FGF13: variants seen among roughly 807,000 people sequenced by gnomAD.
FGF13 encodes the protein fibroblast growth factor 13, also known as fibroblast growth factor homologous factor 2.
FGF13 carries 2 observed loss-of-function variants against 19.5 expected under a neutral mutation model. That is an observed-to-expected ratio of 0.10 (90% confidence interval 0.04 to 0.32). The LOEUF (loss-of-function observed/expected upper bound fraction) is 0.32, where lower values mean the gene tolerates loss of function less well. FGF13 is among the 10% of genes least tolerant of loss of function. FGF13 has a pLI of 1.00. For missense variants in FGF13, 113 were observed against 192.7 expected, an observed-to-expected ratio of 0.59 and a Z score of 2.45; for synonymous variants, 72 against 76.9, an observed-to-expected ratio of 0.94 and a Z score of 0.33.
chrX:139,118,776 C>A (rs1373217106), intron 1 of FGF13, among the ~76,000 whole-genome samples: 1 of 111,019 alleles, frequency 9.0e-6, no homozygotes, highest in Non-Finnish European at 1.9e-5. Context: ...TCCCTCTCAG[C>A]TTTGGGAGGC....
chrX:138,958,880 T>A (rs1256157190), intron 1 of FGF13, among the ~76,000 whole-genome samples: 1 of 111,773 alleles, frequency 8.9e-6, no homozygotes, highest in Non-Finnish European at 1.9e-5. Flanking sequence ...CCCTTTATCA[T>A]TTTTTATTGC....
chrX:138,852,788 A>G (rs964629977), downstream of FGF13, among the ~76,000 whole-genome samples: 3 of 111,691 alleles, frequency 2.7e-5, no homozygotes, highest in Non-Finnish European at 5.6e-5. Context: ...ATGGGAGAAA[A>G]TGTTTGCAAT....
intron 1 of FGF13, among the ~76,000 whole-genome samples, chrX:138,973,925 G>A (rs892771437): frequency 1.8e-5 from 2 of 111,517 alleles, no homozygotes; most frequent in African/African-American, 6.5e-5. Flanking sequence ...ATATAGTTGG[G>A]AGGCAATTAG....
intron 3 of FGF13, among the ~76,000 whole-genome samples, chrX:138,846,558 A>G (rs1372849587): frequency 1.8e-5 from 2 of 112,319 alleles, no homozygotes; most frequent in African/African-American, 6.5e-5. Flanking sequence ...TGGCTCCAGC[A>G]TTGCCTTCTG....
chrX:138,719,979 G>A (rs2124271779), intron 1 of FGF13, among the ~76,000 whole-genome samples: 1 of 112,772 alleles, frequency 8.9e-6, no homozygotes, highest in Admixed American at 9.3e-5. Flanking sequence ...TGGGCCATTT[G>A]TTCATTTGTT....
rs762752950 is a variant in FGF13, at chrX:138,790,005, A to C, written c.217+67507T>G. On this transcript the variant is annotated intron_variant, in intron 3 of 6. Coordinates refer to the FGF13 transcript ENST00000436198. ...GGTTGCAGTGAGCCGAGATCACGCC[A>C]CTTGACTCCAACCTGGGTGACAGAG... Among the ~76,000 whole-genome samples the C allele has an allele frequency of 8.7e-5, 7 of 80,791 alleles. No individual in the cohort carries two copies. The East Asian group carries it at 2.4e-3, about 28-fold the overall frequency. 70.2% of individuals were successfully genotyped at this position (80,791 alleles called of 115,157 possible).
At chrX:138,944,500 CA>C (rs370819719) in intron 1 of FGF13, among the ~76,000 whole-genome samples, 2 of 34,085 alleles carry the variant, frequency 5.9e-5, no homozygotes. Context: ...TGGCTCTGAG[CA>C]AAAAAAAAGA....
intron 3 of FGF13, among the ~76,000 whole-genome samples, chrX:138,687,535 T>A (rs377177208): frequency 8.9e-5 from 10 of 111,779 alleles, no homozygotes; most frequent in African/African-American, 2.9e-4. Context: ...GGAAGGAGAA[T>A]CCTTGTACAC....
chrX:138,969,152 C>T (rs144422814), intron 1 of FGF13, among the ~76,000 whole-genome samples: 182 of 111,519 alleles, frequency 1.6e-3, no homozygotes, highest in East Asian at 8.8e-3. Context: ...CTGAAAAACT[C>T]GAAAAACAGA....
At chrX:138,662,844 G>A (rs1216499359) in intron 3 of FGF13, among the ~76,000 whole-genome samples, 4 of 111,820 alleles carry the variant, frequency 3.6e-5, no homozygotes, top group Non-Finnish European at 7.5e-5. Context: ...CTACTGCAGA[G>A]CTACTGGGTA....
intron 3 of FGF13, among the ~76,000 whole-genome samples, chrX:138,759,055 G>A (rs1171992974): frequency 3.6e-5 from 4 of 112,133 alleles, no homozygotes; most frequent in African/African-American, 1.3e-4. Flanking sequence ...AGCTGAGAGC[G>A]TAAAAATATT....
chrX:138,990,933 T>C (rs1469646736), intron 1 of FGF13, among the ~76,000 whole-genome samples: 2 of 111,971 alleles, frequency 1.8e-5, no homozygotes, highest in African/African-American at 6.5e-5. Flanking sequence ...AAGCAAGGGC[T>C]CCAGGTTTAG....
At chrX:138,710,779 T>A (rs780042278) in intron 1 of FGF13, 38 bp downstream of exon 1, 1 of 1,204,449 alleles carries the variant, frequency 8.3e-7, no homozygotes, top group South Asian at 1.8e-5. Context: ...ACCTCACTCG[T>A]AAAGTATGGG....
chrX:138,730,013 G>A (rs1210746321), intron 1 of FGF13, among the ~76,000 whole-genome samples: 1 of 111,501 alleles, frequency 9.0e-6, no homozygotes, highest in Non-Finnish European at 1.9e-5. Flanking sequence ...TTTTTCTCCA[G>A]CAGATAAACA....
At chrX:138,693,341 T>A (rs1043306919) in intron 3 of FGF13, among the ~76,000 whole-genome samples, 5 of 111,989 alleles carry the variant, frequency 4.5e-5, no homozygotes, top group Non-Finnish European at 7.5e-5. Flanking sequence ...GACTTTCATC[T>A]TAATAACACC....
intron 1 of FGF13, among the ~76,000 whole-genome samples, chrX:139,074,132 T>A (rs2092385361): frequency 8.9e-6 from 1 of 111,945 alleles, no homozygotes; most frequent in African/African-American, 3.2e-5. Context: ...TACTTTAGGA[T>A]GAGAGGAATA....
chrX:138,822,624 C>A (rs895676838), intron 3 of FGF13, among the ~76,000 whole-genome samples: 1 of 112,159 alleles, frequency 8.9e-6, no homozygotes. Context: ...CAAAGAGCTG[C>A]AGGCTTGAAA....
At chrX:138,754,094 T>A (rs977297972) in intron 3 of FGF13, among the ~76,000 whole-genome samples, 1 of 112,263 alleles carries the variant, frequency 8.9e-6, no homozygotes, top group African/African-American at 3.2e-5. Context: ...CACAGGTTAC[T>A]AATACACAGT....
At chrX:138,912,182 A>G (rs188620594) in intron 1 of FGF13, among the ~76,000 whole-genome samples, 2 of 112,228 alleles carry the variant, frequency 1.8e-5, no homozygotes, top group Non-Finnish European at 3.8e-5. Flanking sequence ...AAGGTTGATG[A>G]ATGGATAGCT....
Sources: gnomAD v4.1 joint callset for allele counts (sites outside exome capture counted in the v4.1 genomes callset) on GRCh38, gnomAD v4.1.1 for gene constraint, MANE v1.5 for transcripts, NCBI Gene and HGNC (gene_info 2026-07-23, HGNC 2026-07-21) for gene names.